Variants in TGFB2 observed in about 807,000 individuals in gnomAD.
TGFB2 encodes transforming growth factor beta-2 proprotein.
A neutral mutation model predicts 42.7 loss-of-function variants in TGFB2; 13 were observed. That is an observed-to-expected ratio of 0.30 (90% CI 0.20 to 0.48). The LOEUF (loss-of-function observed/expected upper bound fraction) is 0.48. Ranked by LOEUF, TGFB2 falls within the 20% of genes least tolerant of loss-of-function variation. The pLI, the probability that TGFB2 is intolerant of heterozygous loss-of-function variation, is 0.99. For missense variants in TGFB2, 390 were observed against 517.5 expected, an observed-to-expected ratio of 0.75 and a Z score of 2.39; for synonymous variants, 193 against 193.6, an observed-to-expected ratio of 1.00 and a Z score of 0.03.
At chr1:218,375,716 C>T (rs80168483) in intron 1 of TGFB2, among the ~76,000 whole-genome samples, 1,776 of 151,988 alleles carry the variant, frequency 0.012, 32 homozygotes, top group East Asian at 0.086. Context: ...AAAGTGGTAC[C>T]AATTTCTGTG....
chr1:218,395,343 T>C (rs898608052), intron 1 of TGFB2, among the ~76,000 whole-genome samples: 2 of 152,236 alleles, frequency 1.3e-5, no homozygotes, highest in Non-Finnish European at 2.9e-5. Context: ...ATTAAAGTTT[T>C]TCAAGCTTTA....
At position 218,346,857 on chromosome 1, in the gene TGFB2, T is replaced by G. The variant is rs1431335293; in HGVS notation, c.156T>G (p.Ser52Arg). Residue 52 changes from serine to arginine, a missense_variant, in exon 1 of 7, where the codon AGT (serine) becomes AGG (arginine). Transcript: ENST00000366930. This position sits in a 1 kb window ranked among gnomAD's most constrained non-coding sequence, Gnocchi z 4.9. ...TCCTGAGCAAGCTGAAGCTCACCAGTCCCCCAGAAGACTATCCTGAGCCCG... is the reference window on the plus strand; with the variant it reads ...TCCTGAGCAAGCTGAAGCTCACCAGGCCCCCAGAAGACTATCCTGAGCCCG... Reference protein sequence around the residue: ...GQILSKLKLTSPPEDYPEPEE... With the variant: ...GQILSKLKLTRPPEDYPEPEE... The G allele has an allele frequency of 1.2e-6, 2 of 1,613,870 alleles. No individual in the cohort carries two copies. The highest frequency in any genetic ancestry group is 3.3e-5 in the Admixed American group (2 of 60,000).
At position 218,393,845 on chromosome 1, in the gene TGFB2, G is replaced by T. The variant is rs572312177; in HGVS notation, c.347-11324G>T. On this transcript the variant is annotated intron_variant, in intron 1 of 6. Coordinates refer to ENST00000366930, the MANE Select transcript of TGFB2 (RefSeq NM_003238.6). ...ATTCACGGTTTACCTGCCCACAAAC[G>T]TGGGTGCAGCCATACTCTTCATGCT... Among the ~76,000 whole-genome samples the T allele has an allele frequency of 3.3e-5, 5 of 152,088 alleles. No homozygotes were observed. The East Asian group carries it at 9.7e-4, about 29-fold the overall frequency.
At chr1:218,398,854 GGATTACAGGCGT>G (rs1658615719) in intron 1 of TGFB2, among the ~76,000 whole-genome samples, 1 of 152,126 alleles carries the variant, frequency 6.6e-6, no homozygotes, top group African/African-American at 2.4e-5. Flanking sequence ...CACAGTGGTG[GGATTACAGGCGT>G]GAGCCACTGT....
At chr1:218,397,141 G>T (rs1232032419) in intron 1 of TGFB2, among the ~76,000 whole-genome samples, 1 of 151,742 alleles carries the variant, frequency 6.6e-6, no homozygotes, top group African/African-American at 2.4e-5. Context: ...GGTGGCAGGC[G>T]CCTGTAATCC....
At chr1:218,439,209 A>C (rs555273449) in intron 6 of TGFB2, among the ~76,000 whole-genome samples, 2 of 151,986 alleles carry the variant, frequency 1.3e-5, no homozygotes, top group African/African-American at 4.8e-5. Context: ...CTTGGCATGC[A>C]GGCCTCCTTG....
intron 1 of TGFB2, among the ~76,000 whole-genome samples, chr1:218,351,435 C>G (rs2102532760): frequency 6.6e-6 from 1 of 152,256 alleles, no homozygotes; most frequent in Admixed American, 6.5e-5. Context: ...TTTTTTATTG[C>G]ATCGTTGCTT....
At chr1:218,401,061 G>T (rs1031393671) in intron 1 of TGFB2, among the ~76,000 whole-genome samples, 3 of 152,174 alleles carry the variant, frequency 2.0e-5, no homozygotes, top group African/African-American at 7.2e-5. Context: ...GACTAGAGAG[G>T]CCACAGAGCA....
At chr1:218,353,649 C>T (rs541787375) in intron 1 of TGFB2, among the ~76,000 whole-genome samples, 2 of 152,310 alleles carry the variant, frequency 1.3e-5, no homozygotes, top group South Asian at 4.1e-4. Context: ...ATAATCTTAG[C>T]ACTTTAGGAA....
chr1:218,415,696 AAAG>A lies in TGFB2; in HGVS notation c.510+10367_510+10369del, dbSNP rs1257775906. Among the ~76,000 whole-genome samples the A allele has an allele frequency of 2.4e-4, 32 of 135,756 alleles. 3 individuals are homozygous for A. Among genetic ancestry groups the A allele is most frequent in the East Asian group, 1.6e-3 (7 of 4,422 alleles). The allele number at this position is 135,756 out of a possible 152,430, so 89.1% of individuals were successfully genotyped here. A position where few individuals can be genotyped will look rare whatever the true frequency, so the allele number is the denominator to read the frequency against. On this transcript the variant is annotated intron_variant, in intron 2 of 6. Coordinates refer to ENST00000366930, the MANE Select transcript of TGFB2 (RefSeq NM_003238.6). ...GGCGACAGAGCGAGACTCTGTCTCA[AAAG>A]AAAAAAAAAAAAAAAAAAAAAAAAA...
chr1:218,383,732 T>C (rs1025646699), intron 1 of TGFB2, among the ~76,000 whole-genome samples: 2 of 152,258 alleles, frequency 1.3e-5, no homozygotes, highest in Non-Finnish European at 2.9e-5. Context: ...GATTTGATTA[T>C]ATATCCCATG....
rs973785699 is a variant in TGFB2 at position 218,374,362 on chromosome 1, G to A, written c.346+27315G>A. ...TCCAATAAATATTTATTAAATGAGA[G>A]AGTGAATGAATTTTTGCACATATGT... On this transcript the variant is annotated intron_variant, in intron 1 of 6. Transcript: ENST00000366930. Among the ~76,000 whole-genome samples, 5 of 152,244 alleles carry A rather than the reference G, an allele frequency of 3.3e-5. No homozygotes were observed. The East Asian group carries it at 9.7e-4, about 29-fold the overall frequency.
intron 1 of TGFB2, among the ~76,000 whole-genome samples, chr1:218,392,153 C>T (rs1172610378): frequency 1.3e-5 from 2 of 152,124 alleles, no homozygotes; most frequent in Non-Finnish European, 2.9e-5. Context: ...AGATCGAGAC[C>T]ATCCTGGCCA....
chr1:218,444,538 G>T lies in TGFB2; in HGVS notation c.*3176G>T, dbSNP rs1237532318. On this transcript the variant is annotated 3_prime_UTR_variant, in exon 7 of 7. Transcript: ENST00000366930. Reference sequence around the variant, plus strand: ...CCTATTTCCTCCAATTTTTTTGGCTGCTACCTACAAGACCAGACTCCTCAA... The same window carrying T: ...CCTATTTCCTCCAATTTTTTTGGCTTCTACCTACAAGACCAGACTCCTCAA... 1 of 152,122 alleles carries T rather than the reference G, an allele frequency of 6.6e-6. No homozygotes were observed. Among genetic ancestry groups the T allele is most frequent in the African/African-American group, 2.4e-5 (1 of 41,420 alleles). 9.4% of individuals were successfully genotyped at this position (152,122 alleles called of 1,614,324 possible).
chr1:218,356,568 G>A (rs938823405), intron 1 of TGFB2, among the ~76,000 whole-genome samples: 2 of 152,174 alleles, frequency 1.3e-5, no homozygotes. Flanking sequence ...GTTCATATGT[G>A]TCACATAGTA....
rs1240227015 is a variant in TGFB2, at chr1:218,345,986, G to A, written c.-716G>A. Among the ~76,000 whole-genome samples the A allele has an allele frequency of 4.0e-5, 6 of 151,778 alleles. No individual in the cohort carries two copies. Among genetic ancestry groups the A allele is most frequent in the Non-Finnish European group, 7.4e-5 (5 of 67,916 alleles). On this transcript the variant is annotated 5_prime_UTR_variant, in exon 1 of 7. Coordinates refer to ENST00000366930, the MANE Select transcript of TGFB2 (RefSeq NM_003238.6). Reference sequence around the variant, plus strand: ...TGCGGCCCCTGCGGCACCCGACCGAGTACCGAGCGCCCTGCGAAGCGCACC... The same window carrying A: ...TGCGGCCCCTGCGGCACCCGACCGAATACCGAGCGCCCTGCGAAGCGCACC...
intron 2 of TGFB2, among the ~76,000 whole-genome samples, chr1:218,420,134 T>C (rs1659405681): frequency 6.6e-6 from 1 of 152,156 alleles, no homozygotes; most frequent in African/African-American, 2.4e-5. Context: ...TTAGAAGATA[T>C]GGCTCCAGAG....
At chr1:218,357,135 C>T (rs575066009) in intron 1 of TGFB2, among the ~76,000 whole-genome samples, 57 of 151,916 alleles carry the variant, frequency 3.8e-4, no homozygotes, top group Non-Finnish European at 6.6e-4. Flanking sequence ...TTGCTCGAAC[C>T]CGGGAGGCAG....
chr1:218,431,473 A>C (rs898763913), intron 2 of TGFB2, among the ~76,000 whole-genome samples: 1 of 152,196 alleles, frequency 6.6e-6, no homozygotes, highest in Non-Finnish European at 1.5e-5. Context: ...GTCTTTAGTG[A>C]AACTGGACAT....
Sources: gnomAD v4.1 joint callset for allele counts (sites outside exome capture counted in the v4.1 genomes callset) on GRCh38, gnomAD v4.1.1 for gene constraint, Gnocchi (gnomAD v3.1) non-coding constraint, MANE v1.5 for transcripts, NCBI Gene and HGNC (gene_info 2026-07-23, HGNC 2026-07-21) for gene names.